Variants in RGS7 observed in about 807,000 individuals in gnomAD.
The protein encoded by RGS7 is regulator of G protein signaling 7, also known as regulator of G-protein signaling 7.
RGS7 carries 27 observed loss-of-function variants against 81.1 expected under a neutral mutation model. The ratio of observed to expected loss-of-function variants is 0.33; its 90% CI spans 0.25 to 0.46. The LOEUF (loss-of-function observed/expected upper bound fraction) is 0.46, where lower values mean the gene tolerates loss of function less well. Among genes scored for constraint, RGS7 ranks in the 20% least tolerant of loss-of-function variants. The pLI, the probability that RGS7 is intolerant of heterozygous loss-of-function variation, is 1.00. For synonymous variants in RGS7, 208 were observed against 207.7 expected, an observed-to-expected ratio of 1.00 and a Z score of -0.01; for missense variants, 396 against 607.4, an observed-to-expected ratio of 0.65 and a Z score of 3.66.
intron 2 of RGS7, among the ~76,000 whole-genome samples, chr1:241,354,603 TG>T (rs1366451131): frequency 6.6e-6 from 1 of 152,202 alleles, no homozygotes; most frequent in Admixed American, 6.5e-5. Context: ...GCTACACGGA[TG>T]AAAAGTTTTG....
At chr1:241,316,334 C>A (rs2080874124) in intron 2 of RGS7, among the ~76,000 whole-genome samples, 1 of 152,204 alleles carries the variant, frequency 6.6e-6, no homozygotes, top group Admixed American at 6.5e-5. Context: ...CAACCTTTAG[C>A]CCTTCTCCTC....
intron 18 of RGS7, among the ~76,000 whole-genome samples, chr1:240,778,570 G>A (rs763635840): frequency 1.9e-4 from 29 of 152,084 alleles, no homozygotes; most frequent in African/African-American, 5.6e-4. Context: ...GTCTCACTCC[G>A]TCGTCAGGCT....
At chr1:240,909,939 G>T (rs1003809140) in intron 6 of RGS7, among the ~76,000 whole-genome samples, 4 of 151,978 alleles carry the variant, frequency 2.6e-5, no homozygotes, top group African/African-American at 9.7e-5. Flanking sequence ...GGTTTAGTTC[G>T]GTCACTTCCA....
chr1:241,079,027 T>C (rs1280505181), intron 3 of RGS7, among the ~76,000 whole-genome samples: 2 of 152,112 alleles, frequency 1.3e-5, no homozygotes, highest in South Asian at 2.1e-4. Flanking sequence ...TGGAGAGTGT[T>C]TGGGGGGCTC....
chr1:240,796,392 A>G (rs1572126062), intron 18 of RGS7, among the ~76,000 whole-genome samples: 1 of 152,172 alleles, frequency 6.6e-6, no homozygotes, highest in East Asian at 1.9e-4. Context: ...TACAGAGTTA[A>G]AAACAGATTT....
intron 6 of RGS7, among the ~76,000 whole-genome samples, chr1:240,928,810 C>T (rs1003807758): frequency 6.6e-6 from 1 of 151,860 alleles, no homozygotes; most frequent in Admixed American, 6.6e-5. Flanking sequence ...GGGGTTTCGT[C>T]ATGTTGGCCA....
intron 18 of RGS7, among the ~76,000 whole-genome samples, chr1:240,780,774 C>T (rs901567802): frequency 9.2e-5 from 14 of 151,352 alleles, no homozygotes; most frequent in Non-Finnish European, 1.8e-4. Context: ...ATTAGCTGGG[C>T]GTGGTGGTGC....
intron 2 of RGS7, among the ~76,000 whole-genome samples, chr1:241,261,628 CA>C (rs35082766): frequency 0.23 from 14,251 of 61,852 alleles, 547 homozygotes; most frequent in East Asian, 0.32. Flanking sequence ...GACTCTGTCT[CA>C]AAAAAAAAAA....
chr1:240,920,720 C>A (rs1228092242), intron 6 of RGS7: 6 of 615,050 alleles, frequency 9.8e-6, no homozygotes, highest in Non-Finnish European at 1.2e-5. Context: ...CAGGGCCTAG[C>A]TGCTACAAAG....
chr1:241,216,285 T>C (rs1468216532), intron 2 of RGS7, among the ~76,000 whole-genome samples: 1 of 150,964 alleles, frequency 6.6e-6, no homozygotes, highest in Non-Finnish European at 1.5e-5. Context: ...AAAAAATAAA[T>C]AAATAAAATA....
At chr1:241,257,236 C>T (rs2148254304) in intron 2 of RGS7, among the ~76,000 whole-genome samples, 1 of 152,238 alleles carries the variant, frequency 6.6e-6, no homozygotes, top group Admixed American at 6.5e-5. Flanking sequence ...GGTATGATCT[C>T]TACTTCATAG....
intron 2 of RGS7, among the ~76,000 whole-genome samples, chr1:241,127,852 T>C (rs1173246590): frequency 6.6e-6 from 1 of 152,170 alleles, no homozygotes; most frequent in Non-Finnish European, 1.5e-5. Flanking sequence ...TGATTTAGTA[T>C]ATTTCAGAAA....
At chr1:241,277,618 C>CAAAA (rs34520025) in intron 2 of RGS7, among the ~76,000 whole-genome samples, 1 of 132,776 alleles carries the variant, frequency 7.5e-6, no homozygotes. Context: ...GACTCCATCT[C>CAAAA]AAAAAAAAAA....
In RGS7 at chr1:240,876,153, A is replaced by G. The variant is rs1665375150; in HGVS notation, c.386-6034T>C. On this transcript the variant is annotated intron_variant, in intron 6 of 18. Coordinates refer to ENST00000440928, the MANE Select transcript of RGS7 (RefSeq NM_001364886.1). ...CCTTTCAACTCTTCCACCCATAGCT[A>G]GACAGCCTGCCTCTTGCCCTTCAGA... Among the ~76,000 whole-genome samples, 4 of 152,186 alleles carry G rather than the reference A, an allele frequency of 2.6e-5. No homozygotes were observed. The South Asian group carries it at 8.3e-4, about 32-fold the overall frequency.
chr1:241,026,444 C>T (rs1479565215), intron 3 of RGS7, among the ~76,000 whole-genome samples: 1 of 152,072 alleles, frequency 6.6e-6, no homozygotes, highest in Non-Finnish European at 1.5e-5. Flanking sequence ...CAAAAATTAG[C>T]CAGACATGGT....
intron 6 of RGS7, among the ~76,000 whole-genome samples, chr1:240,887,226 G>GTTTTTT (rs71297739): frequency 0.011 from 856 of 76,270 alleles, 33 homozygotes; most frequent in African/African-American, 0.03. Context: ...GAGTATATAG[G>GTTTTTT]TTTTTTTTTT....
chr1:240,818,016 T>C (rs1572232427), intron 10 of RGS7, among the ~76,000 whole-genome samples: 3 of 152,330 alleles, frequency 2.0e-5, no homozygotes, highest in Admixed American at 1.3e-4. Context: ...TGTCCTTTCT[T>C]GCCCTACCAC....
chr1:241,112,322 AG>A (rs1425214224), intron 2 of RGS7, among the ~76,000 whole-genome samples: 2 of 152,166 alleles, frequency 1.3e-5, no homozygotes, highest in Non-Finnish European at 2.9e-5. Context: ...TTCTTCCAAG[AG>A]TAATTAAAGG....
At chr1:241,087,962 C>A (rs1415772839) in intron 3 of RGS7, among the ~76,000 whole-genome samples, 97 of 85,148 alleles carry the variant, frequency 1.1e-3, no homozygotes, top group African/African-American at 3.9e-3. Flanking sequence ...CTCTCTCTCT[C>A]TCTCTCTCTC....
Sources: gnomAD v4.1 joint callset for allele counts (sites outside exome capture counted in the v4.1 genomes callset) on GRCh38, gnomAD v4.1.1 for gene constraint, MANE v1.5 for transcripts, NCBI Gene and HGNC (gene_info 2026-07-23, HGNC 2026-07-21) for gene names.